CADPS: variants seen among roughly 807,000 people sequenced by gnomAD.
CADPS encodes calcium-dependent secretion activator 1.
A neutral mutation model predicts 167.3 loss-of-function variants in CADPS; 57 were observed. That is an observed-to-expected ratio of 0.34 (90% confidence interval 0.28 to 0.42). The LOEUF (loss-of-function observed/expected upper bound fraction) is 0.42. Ranked by LOEUF, CADPS falls within the 20% of genes least tolerant of loss-of-function variation. The pLI, the probability that CADPS is intolerant of heterozygous loss-of-function variation, is 1.00. For missense variants in CADPS, 1,414 were observed against 1,738.1 expected (o/e 0.81, Z 3.32); for synonymous variants, 676 against 635.3 (o/e 1.06, Z -0.96).
chr3:62,640,170 G>C (rs945541740), intron 6 of CADPS, among the ~76,000 whole-genome samples: 7 of 152,054 alleles, frequency 4.6e-5, no homozygotes, highest in Non-Finnish European at 1.0e-4. Flanking sequence ...TCATATCATC[G>C]TATCACATTT....
intron 1 of CADPS, among the ~76,000 whole-genome samples, chr3:62,786,244 A>G (rs1290063592): frequency 6.6e-6 from 1 of 151,970 alleles, no homozygotes; most frequent in Non-Finnish European, 1.5e-5. Context: ...AAATAAAGTT[A>G]TTTTCTTGTT....
intron 3 of CADPS, among the ~76,000 whole-genome samples, chr3:62,748,154 C>T (rs1239922768): frequency 7.7e-6 from 1 of 129,612 alleles, no homozygotes; most frequent in African/African-American, 3.0e-5. Flanking sequence ...GAAACCCCGT[C>T]TCTACTAAAA....
chr3:62,399,641 G>C lies in CADPS; in HGVS notation c.3883-56C>G. On this transcript the variant is annotated intron_variant, in intron 29 of 29. Transcript: ENST00000383710. This position sits in a 1 kb window ranked among gnomAD's most constrained non-coding sequence, Gnocchi z 5.6. ...AGATCTCATCTCCATGATGGGGAGG[G>C]AGAAGGTAAAAGCAGGTGTGGGTGG... is the stretch of plus-strand genomic sequence containing the variant. 3 of 1,492,272 alleles carry C rather than the reference G, an allele frequency of 2.0e-6. No individual in the cohort carries two copies. Among genetic ancestry groups the C allele is most frequent in the Non-Finnish European group, 2.8e-6 (3 of 1,076,350 alleles). 92.4% of individuals were successfully genotyped at this position (1,492,272 alleles called of 1,614,324 possible).
chr3:62,646,161 C>CTTTTTT (rs35748758), intron 5 of CADPS, among the ~76,000 whole-genome samples: 10 of 129,092 alleles, frequency 7.7e-5, no homozygotes, highest in African/African-American at 2.9e-4. Context: ...GGAATTGGCT[C>CTTTTTT]TTTTTTTTTT....
chr3:62,825,406 G>A (rs2073859484), intron 1 of CADPS, among the ~76,000 whole-genome samples: 1 of 152,138 alleles, frequency 6.6e-6, no homozygotes, highest in East Asian at 1.9e-4. Flanking sequence ...TGTCAGAAAG[G>A]CAAATGATCA....
chr3:62,666,137 T>C (rs2074355908), intron 3 of CADPS, among the ~76,000 whole-genome samples: 1 of 152,114 alleles, frequency 6.6e-6, no homozygotes, highest in African/African-American at 2.4e-5. Context: ...TCTTGACAAA[T>C]TTCCCTGGCT....
chr3:62,476,547 C>T (rs6794942), intron 23 of CADPS, among the ~76,000 whole-genome samples: 4,080 of 152,162 alleles, frequency 0.027, 194 homozygotes, highest in African/African-American at 0.092. Context: ...GGGTAAGGAA[C>T]GCCAAATGAA....
intron 26 of CADPS, among the ~76,000 whole-genome samples, chr3:62,464,503 G>A (rs1166944692): frequency 6.6e-6 from 1 of 152,182 alleles, no homozygotes; most frequent in Admixed American, 6.5e-5. Flanking sequence ...GCATGCAGCT[G>A]TGGTGTCTGC....
At chr3:62,588,391 G>GT (rs900961356) in intron 7 of CADPS, among the ~76,000 whole-genome samples, 1 of 151,412 alleles carries the variant, frequency 6.6e-6, no homozygotes, top group African/African-American at 2.4e-5. Context: ...GAGGTTAAGG[G>GT]TTTTTTACCA....
chr3:62,630,836 G>A (rs1021862002), intron 6 of CADPS, among the ~76,000 whole-genome samples: 3 of 152,098 alleles, frequency 2.0e-5, no homozygotes, highest in Admixed American at 6.6e-5. Context: ...TTAACAAGGT[G>A]CTTGATGTAA....
At chr3:62,482,138 C>T (rs779750245) in intron 21 of CADPS, among the ~76,000 whole-genome samples, 1 of 152,092 alleles carries the variant, frequency 6.6e-6, no homozygotes, top group Non-Finnish European at 1.5e-5. Context: ...TTGGGAGGGG[C>T]CTTTGGTTTC....
At chr3:62,726,401 T>C (rs1349962596) in intron 3 of CADPS, among the ~76,000 whole-genome samples, 2 of 151,882 alleles carry the variant, frequency 1.3e-5, no homozygotes, top group East Asian at 3.9e-4. Context: ...AATAAAACTT[T>C]GGTTCCAGAC....
At chr3:62,454,972 G>T (rs1429298471) in intron 26 of CADPS, among the ~76,000 whole-genome samples, 1 of 152,044 alleles carries the variant, frequency 6.6e-6, no homozygotes, top group Non-Finnish European at 1.5e-5. Context: ...TTGGGCAAGA[G>T]GCAAGGAAAT....
chr3:62,483,796 G>T (rs779026258), intron 21 of CADPS, among the ~76,000 whole-genome samples: 1 of 152,020 alleles, frequency 6.6e-6, no homozygotes, highest in African/African-American at 2.4e-5. Flanking sequence ...TAACAAAACC[G>T]TTGGCGATTT....
intron 26 of CADPS, among the ~76,000 whole-genome samples, chr3:62,451,977 T>C (rs2058116089): frequency 6.6e-6 from 1 of 152,228 alleles, no homozygotes; most frequent in Non-Finnish European, 1.5e-5. Flanking sequence ...GCCTCATATC[T>C]AGAATGTAGG....
chr3:62,587,179 A>G (rs2084830346), intron 7 of CADPS, among the ~76,000 whole-genome samples: 1 of 152,154 alleles, frequency 6.6e-6, no homozygotes, highest in African/African-American at 2.4e-5. Context: ...TCCAAATCAG[A>G]GCTTTTGTGC....
At chr3:62,708,834 G>C (rs1239621084) in intron 3 of CADPS, among the ~76,000 whole-genome samples, 1 of 151,996 alleles carries the variant, frequency 6.6e-6, no homozygotes, top group Non-Finnish European at 1.5e-5. Flanking sequence ...GAAAGGGGTA[G>C]GGGCGGAGTA....
rs138458129 is a variant in CADPS, at chr3:62,438,241, A to G, written c.3670-30T>C. On this transcript the variant is annotated intron_variant, in intron 27 of 29. Coordinates refer to ENST00000383710, the MANE Select transcript of CADPS (RefSeq NM_003716.4). The surrounding 1 kb of genome is among the most constrained non-coding windows in gnomAD (Gnocchi z 4.7). Reference sequence around the variant, plus strand: ...AAAGAAACAGGAAAACATGAAAACGAATTTTCAGACAGCCACTCTTCCTTG... The same window carrying G: ...AAAGAAACAGGAAAACATGAAAACGGATTTTCAGACAGCCACTCTTCCTTG... 6.6e-7 allele frequency: 1 copy of G among 1,525,446 alleles called. No homozygotes were observed. Among genetic ancestry groups the G allele is most frequent in the African/African-American group, 1.4e-5 (1 of 73,318 alleles). The allele number at this position is 1,525,446 out of a possible 1,614,324, so 94.5% of individuals were successfully genotyped here. A position where few individuals can be genotyped will look rare whatever the true frequency, so the allele number is the denominator to read the frequency against.
intron 3 of CADPS, among the ~76,000 whole-genome samples, chr3:62,716,734 A>G (rs747081023): frequency 2.6e-5 from 4 of 152,218 alleles, no homozygotes; most frequent in African/African-American, 9.6e-5. Context: ...GTCCTCCATC[A>G]TCTGCTCATT....
Sources: gnomAD v4.1 joint callset for allele counts (sites outside exome capture counted in the v4.1 genomes callset) on GRCh38, gnomAD v4.1.1 for gene constraint, Gnocchi (gnomAD v3.1) non-coding constraint, MANE v1.5 for transcripts, NCBI Gene and HGNC (gene_info 2026-07-23, HGNC 2026-07-21) for gene names.